The following VPS13C variants were observed in gnomAD, a reference collection of about 807,000 sequenced individuals.
The protein encoded by VPS13C is vacuolar protein sorting 13 homolog C, also known as intermembrane lipid transfer protein VPS13C.
VPS13C carries 358 observed loss-of-function variants against 456.8 expected under a neutral mutation model. The ratio of observed to expected loss-of-function variants is 0.78; its 90% CI spans 0.72 to 0.86. The LOEUF is 0.86. Among genes scored for constraint, VPS13C ranks in the 40% least tolerant of loss-of-function variants. The pLI, the probability that VPS13C is intolerant of heterozygous loss-of-function variation, is 0.00. For missense variants in VPS13C, 4,818 were observed against 4,385.4 expected (o/e 1.10, Z -2.79); for synonymous variants, 1,578 against 1,486.7 (o/e 1.06, Z -1.41).
chr15:61,882,089 A>G (rs1288194726), intron 69 of VPS13C, among the ~76,000 whole-genome samples: 1 of 152,196 alleles, frequency 6.6e-6, no homozygotes, highest in African/African-American at 2.4e-5. Flanking sequence ...AAATACTTGT[A>G]TCTATGGATC....
chr15:61,942,117 A>T, intron 45 of VPS13C, 50 bp from the exon 46 acceptor site: 1 of 1,479,318 alleles, frequency 6.8e-7, no homozygotes, highest in Non-Finnish European at 9.1e-7. Context: ...TATTTTTAAA[A>T]GAAAAAACTT....
chr15:61,985,679 G>A (rs1186544206), intron 18 of VPS13C, among the ~76,000 whole-genome samples: 1 of 152,190 alleles, frequency 6.6e-6, no homozygotes, highest in Non-Finnish European at 1.5e-5. Context: ...GTGGCTGAAG[G>A]AAAGAAACCT....
At chr15:62,037,524 A>AAATTTATTATATTGT (rs1567137651) in intron 3 of VPS13C, among the ~76,000 whole-genome samples, 1 of 138,888 alleles carries the variant, frequency 7.2e-6, no homozygotes, top group Non-Finnish European at 1.5e-5. Context: ...AGAATATAAT[A>AAATTTATTATATTGT]AATAATGCAA....
chr15:61,907,803 T>C (rs942126010), intron 65 of VPS13C, among the ~76,000 whole-genome samples: 10 of 152,148 alleles, frequency 6.6e-5, no homozygotes, highest in African/African-American at 2.4e-4. Context: ...GAATGCAGTG[T>C]TCATTCACAG....
intron 28 of VPS13C, 89 bp downstream of exon 28, chr15:61,969,210 T>C (rs1457514630): frequency 1.0e-6 from 1 of 962,488 alleles, no homozygotes; most frequent in African/African-American, 1.7e-5. Flanking sequence ...CTATTATTTA[T>C]TATAAATACA....
At chr15:61,877,524 A>G (rs1165639940) in intron 74 of VPS13C, among the ~76,000 whole-genome samples, 3 of 149,142 alleles carry the variant, frequency 2.0e-5, no homozygotes, top group East Asian at 2.0e-4. Flanking sequence ...GACATTTCCA[A>G]TTTTTGCTAA....
Position 61,854,086 on chromosome 15 carries a change from C to A in VPS13C, c.*371G>T. The A allele has an allele frequency of 5.4e-6, 1 of 184,506 alleles. No individual in the cohort carries two copies. The highest frequency in any genetic ancestry group is 1.1e-5 in the Non-Finnish European group (1 of 89,204). 11.4% of individuals were successfully genotyped at this position (184,506 alleles called of 1,614,324 possible). On this transcript the variant is annotated 3_prime_UTR_variant, in exon 85 of 85. Coordinates refer to ENST00000644861, the MANE Select transcript of VPS13C (RefSeq NM_020821.3). ...AAAAAACAAAAATAAAAAAACCTTT[C>A]AAAGAACACTAGTCATTCTAAGCTC...
intron 5 of VPS13C, among the ~76,000 whole-genome samples, chr15:62,032,019 A>C (rs1198190620): frequency 1.3e-5 from 2 of 151,904 alleles, no homozygotes; most frequent in African/African-American, 4.8e-5. Context: ...GGAGCTTAAG[A>C]TTTGTTTCTA....
At chr15:62,049,222 T>C (rs554898636) in intron 1 of VPS13C, among the ~76,000 whole-genome samples, 143 of 152,298 alleles carry the variant, frequency 9.4e-4, no homozygotes, top group African/African-American at 3.4e-3. Context: ...TCTTCTAGGG[T>C]TTTTATGGTT....
At chr15:61,933,793 T>C (rs1433926431) in intron 49 of VPS13C, among the ~76,000 whole-genome samples, 3 of 152,034 alleles carry the variant, frequency 2.0e-5, no homozygotes, top group Admixed American at 1.3e-4. Context: ...GAAACACAAT[T>C]AATGCTTATA....
At chr15:61,963,418 A>G (rs2045277468) in intron 32 of VPS13C, among the ~76,000 whole-genome samples, 2 of 152,100 alleles carry the variant, frequency 1.3e-5, no homozygotes, top group South Asian at 4.1e-4. Flanking sequence ...ATTGCTTTTC[A>G]TAAGGAAAGA....
intron 28 of VPS13C, among the ~76,000 whole-genome samples, chr15:61,968,666 T>A (rs1177780726): frequency 1.3e-5 from 2 of 152,122 alleles, no homozygotes; most frequent in Non-Finnish European, 2.9e-5. Context: ...TAACTTTACA[T>A]CCTATCATTT....
In VPS13C at chr15:61,910,229, G is replaced by A; in HGVS notation, c.8792C>T (p.Pro2931Leu). The A allele has an allele frequency of 1.3e-6, 2 of 1,514,658 alleles. No homozygotes were observed. The highest frequency in any genetic ancestry group is 1.8e-6 in the Non-Finnish European group (2 of 1,124,468). 93.8% of individuals were successfully genotyped at this position (1,514,658 alleles called of 1,614,324 possible). A position where few individuals can be genotyped will look rare whatever the true frequency, so the allele number is the denominator to read the frequency against. The change falls in exon 64 of 85, where the codon CCA (proline) becomes CTA (leucine). Residue 2931 changes from proline (P) to leucine (L), a missense_variant. Physicochemically the swap from Pro to Leu is moderately conservative, Grantham distance 98. Coordinates refer to ENST00000644861, the MANE Select transcript of VPS13C (RefSeq NM_020821.3). The stretch of plus-strand genomic sequence containing the variant: ...ATTATCCTGTCGGTTATAAAAGAAT[G>A]GTTTGGAAGATCCTTCACAGCCCAC... Reference protein sequence around the residue: ...RVVGCEGSSKPFFYNRQDNGT... With the variant: ...RVVGCEGSSKLFFYNRQDNGT...
chr15:62,034,690 C>A (rs1040360761), intron 4 of VPS13C, among the ~76,000 whole-genome samples: 3 of 151,702 alleles, frequency 2.0e-5, no homozygotes, highest in Non-Finnish European at 4.4e-5. Context: ...CAACAGGAAG[C>A]CTTAGTTGCA....
chr15:62,038,510 C>A (rs2048137428), intron 3 of VPS13C, among the ~76,000 whole-genome samples: 1 of 152,054 alleles, frequency 6.6e-6, no homozygotes, highest in African/African-American at 2.4e-5. Context: ...TCCCTTGAGC[C>A]CAGGAAGTTG....
At position 62,035,027 on chromosome 15, in the gene VPS13C, C is replaced by G; in HGVS notation, c.213G>C (p.Trp71Cys). The G allele has an allele frequency of 1.9e-6, 3 of 1,606,954 alleles. No homozygotes were observed. The highest frequency in any genetic ancestry group is 2.6e-6 in the Non-Finnish European group (3 of 1,175,744). Reference protein sequence around the residue: ...QIDKLTLKIPWKNLYGEAVVA... With the variant: ...QIDKLTLKIPCKNLYGEAVVA... ...CAACTGCTTCTCCATAAAGGTTCTTCCAAGGAATCTTCAAAGTTAATTTAT... is the reference window on the plus strand; with the variant it reads ...CAACTGCTTCTCCATAAAGGTTCTTGCAAGGAATCTTCAAAGTTAATTTAT... The change falls in exon 4 of 85, where the codon TGG becomes TGC. Residue 71 changes from tryptophan to cysteine, a missense_variant. By Grantham distance (215) the Trp-to-Cys change is radical. Around this residue, in one of 3 missense-constraint regions of VPS13C, gnomAD observed 4,552 missense variants for 4,130.6 expected, o/e 1.10. Transcript: ENST00000644861.
intron 3 of VPS13C, among the ~76,000 whole-genome samples, chr15:62,040,150 TA>T (rs1345085526): frequency 6.6e-6 from 1 of 152,086 alleles, no homozygotes; most frequent in East Asian, 1.9e-4. Context: ...TTGTGGGAAC[TA>T]AAATTAAAAC....
intron 49 of VPS13C, among the ~76,000 whole-genome samples, chr15:61,932,959 T>C (rs1272326887): frequency 6.6e-6 from 1 of 152,106 alleles, no homozygotes; most frequent in African/African-American, 2.4e-5. Flanking sequence ...AAAGGGAAGA[T>C]GGAAATGGCT....
Position 61,951,109 on chromosome 15 carries a change from T to G in VPS13C, c.4457-85A>C, listed in dbSNP as rs1252948422. On this transcript the variant is annotated intron_variant, in intron 39 of 84. Transcript: ENST00000644861. Reference sequence around the variant, plus strand: ...AGGACCAGCCAAATGTACACAAATATACATTTGTCAAAACTCAGGACTGTA... The same window carrying G: ...AGGACCAGCCAAATGTACACAAATAGACATTTGTCAAAACTCAGGACTGTA... The G allele has an allele frequency of 6.0e-6, 5 of 832,742 alleles. No homozygotes were observed. In the African/African-American group the frequency reaches 8.6e-5, roughly 14 times the overall value. The allele number at this position is 832,742 out of a possible 1,614,324, so 51.6% of individuals were successfully genotyped here.
Sources: allele counts gnomAD v4.1 joint callset (sites outside exome capture counted in the v4.1 genomes callset), GRCh38; gene constraint gnomAD v4.1.1; regional missense constraint gnomAD v4.1.1; transcripts MANE v1.5; gene names NCBI Gene and HGNC (gene_info 2026-07-23, HGNC 2026-07-21).